RANBP17: variants seen among roughly 807,000 people sequenced by gnomAD.
RANBP17 encodes the protein RAN binding protein 17, also known as ran-binding protein 17.
In RANBP17, 158 loss-of-function variants were observed where a neutral mutation model predicts 141.2. The ratio of observed to expected loss-of-function variants is 1.12; its 90% CI spans 0.98 to 1.28. The LOEUF (loss-of-function observed/expected upper bound fraction) is 1.28, where lower values mean the gene tolerates loss of function less well. Ranked by LOEUF, RANBP17 falls within the 50% of genes most tolerant of loss-of-function variation. The pLI is 0.00. For missense variants in RANBP17, 1,438 were observed against 1,290.7 expected, an observed-to-expected ratio of 1.11 and a Z score of -1.75; for synonymous variants, 430 against 450.0, an observed-to-expected ratio of 0.96 and a Z score of 0.56.
chr5:170,884,310 C>T (rs1441451626), intron 3 of RANBP17, among the ~76,000 whole-genome samples: 1 of 152,120 alleles, frequency 6.6e-6, no homozygotes, highest in East Asian at 1.9e-4. Flanking sequence ...ACTTTTGACT[C>T]CCCCAAAACT....
chr5:170,877,322 A>G (rs542551438), intron 1 of RANBP17, among the ~76,000 whole-genome samples: 10 of 152,192 alleles, frequency 6.6e-5, no homozygotes, highest in South Asian at 2.1e-4. Context: ...CTGAAGTACA[A>G]TGATAGTATC....
At chr5:171,269,018 A>T (rs1766925764) in intron 25 of RANBP17, among the ~76,000 whole-genome samples, 1 of 152,188 alleles carries the variant, frequency 6.6e-6, no homozygotes, top group Non-Finnish European at 1.5e-5. Context: ...AAGTAGTGAT[A>T]TATCTTTATT....
chr5:171,053,894 TATATATATATATATATATATA>T (rs1442090609), intron 14 of RANBP17, among the ~76,000 whole-genome samples: 1 of 127,546 alleles, frequency 7.8e-6, no homozygotes, highest in Non-Finnish European at 1.6e-5. Context: ...TATATATATA[TATATATATATATATATATATA>T]TATATATATA....
intron 1 of RANBP17, among the ~76,000 whole-genome samples, chr5:170,865,424 T>C (rs1439638149): frequency 6.6e-6 from 1 of 152,176 alleles, no homozygotes; most frequent in African/African-American, 2.4e-5. Flanking sequence ...GGTCACTTAA[T>C]AAGTGAGTGG....
rs1198288337 is a variant in RANBP17, at chr5:171,183,329, A to G, written c.1937A>G (p.His646Arg). 2 of 1,613,656 alleles carry G rather than the reference A, an allele frequency of 1.2e-6. No homozygotes were observed. Residue 646 changes from histidine (H) to arginine (R), a missense_variant, in exon 18 of 28, where the codon CAC becomes CGC. Physicochemically the swap from His to Arg is conservative, Grantham distance 29. Transcript: ENST00000523189. ...CTCTTTTGCTTTCATTAGAGTGAAC[A>G]CTTCCCTTTTCTTGGCATCAGTGAC... is the stretch of plus-strand genomic sequence containing the variant. ...KFMLKNHTSEHFPFLGISDNH... is the reference protein window; with the variant it reads ...KFMLKNHTSERFPFLGISDNH...
At chr5:171,193,482 A>T (rs529283105) in intron 18 of RANBP17, among the ~76,000 whole-genome samples, 5 of 152,274 alleles carry the variant, frequency 3.3e-5, no homozygotes, top group African/African-American at 1.2e-4. Flanking sequence ...TTTACTGACT[A>T]TATTGGTTTT....
At chr5:170,924,062 A>G (rs1242354201) in intron 11 of RANBP17, among the ~76,000 whole-genome samples, 2 of 151,096 alleles carry the variant, frequency 1.3e-5, no homozygotes, top group African/African-American at 4.9e-5. Context: ...CAGTGGCGCA[A>G]TCTTAGCTCA....
At chr5:170,888,892 G>A (rs1769375101) in intron 3 of RANBP17, among the ~76,000 whole-genome samples, 1 of 151,938 alleles carries the variant, frequency 6.6e-6, no homozygotes, top group Non-Finnish European at 1.5e-5. Context: ...TTTGCTGAGA[G>A]TTTTCATCTC....
intron 20 of RANBP17, among the ~76,000 whole-genome samples, chr5:171,209,539 A>G (rs1299875852): frequency 6.6e-6 from 1 of 152,212 alleles, no homozygotes; most frequent in Non-Finnish European, 1.5e-5. Context: ...TGAAAGAATG[A>G]ATAAAATGAT....
In RANBP17 at chr5:171,005,697, G is replaced by T. The variant is rs568323985; in HGVS notation, c.1710+37320G>T. ...ATATAGGCATGGGCAAGGACTTCAT[G>T]TCTAAAACACCAAAAGCAATGGCAA... On this transcript the variant is annotated intron_variant, in intron 14 of 27. Coordinates refer to ENST00000523189, the MANE Select transcript of RANBP17 (RefSeq NM_022897.5). Among the ~76,000 whole-genome samples the T allele has an allele frequency of 9.8e-5, 15 of 152,324 alleles. 1 individual carries two copies. In the East Asian group the frequency reaches 1.7e-3, roughly 18 times the overall value.
At chr5:171,122,534 A>C (rs1347703055) in intron 14 of RANBP17, among the ~76,000 whole-genome samples, 1 of 152,232 alleles carries the variant, frequency 6.6e-6, no homozygotes, top group Non-Finnish European at 1.5e-5. Context: ...TCTGAGGCAC[A>C]GCAGGAGGAA....
chr5:171,270,540 A>G (rs1468218783), intron 25 of RANBP17, among the ~76,000 whole-genome samples: 1 of 152,216 alleles, frequency 6.6e-6, no homozygotes, highest in Non-Finnish European at 1.5e-5. Context: ...ATCTGCTACA[A>G]TAATTCGGAA....
At chr5:171,213,572 T>G in intron 20 of RANBP17, 59 bp from the exon 21 acceptor site, 2 of 1,190,520 alleles carry the variant, frequency 1.7e-6, no homozygotes, top group Non-Finnish European at 2.5e-6. Context: ...TGTGTGGCAC[T>G]AATTTTCAGA....
At chr5:170,884,148 G>A (rs1035214965) in intron 3 of RANBP17, among the ~76,000 whole-genome samples, 5 of 152,184 alleles carry the variant, frequency 3.3e-5, no homozygotes, top group African/African-American at 1.2e-4. Context: ...TTTGATAGAT[G>A]TGTAGTGGTA....
chr5:171,194,493 A>C (rs1761846679), intron 18 of RANBP17, among the ~76,000 whole-genome samples: 1 of 152,212 alleles, frequency 6.6e-6, no homozygotes, highest in Non-Finnish European at 1.5e-5. Context: ...TCTTCCACTT[A>C]GCATGTTTTC....
intron 14 of RANBP17, among the ~76,000 whole-genome samples, chr5:171,099,851 T>A (rs1787008458): frequency 6.6e-6 from 1 of 152,198 alleles, no homozygotes; most frequent in Non-Finnish European, 1.5e-5. Flanking sequence ...TCTGCGTCTA[T>A]TGAGATAATC....
At chr5:171,138,604 A>G (rs1012181256) in intron 14 of RANBP17, among the ~76,000 whole-genome samples, 1 of 152,022 alleles carries the variant, frequency 6.6e-6, no homozygotes, top group Non-Finnish European at 1.5e-5. Context: ...AACGAAAGCA[A>G]CAGTGAAAGG....
intron 14 of RANBP17, among the ~76,000 whole-genome samples, chr5:171,094,766 C>A (rs1212302529): frequency 6.6e-6 from 1 of 152,044 alleles, no homozygotes; most frequent in South Asian, 2.1e-4. Flanking sequence ...AAGAGGAATG[C>A]GTTCATTTTG....
intron 25 of RANBP17, among the ~76,000 whole-genome samples, chr5:171,280,154 C>A (rs1439294366): frequency 6.6e-6 from 1 of 152,172 alleles, no homozygotes; most frequent in East Asian, 1.9e-4. Context: ...CACATACTTG[C>A]AGGTTAGATT....
Sources: allele counts gnomAD v4.1 joint callset (sites outside exome capture counted in the v4.1 genomes callset), GRCh38; gene constraint gnomAD v4.1.1; transcripts MANE v1.5; gene names NCBI Gene and HGNC (gene_info 2026-07-23, HGNC 2026-07-21).